Variants in CELF2 observed in about 807,000 individuals in gnomAD.
The protein encoded by CELF2 is CUGBP Elav-like family member 2.
A neutral mutation model predicts 62.6 loss-of-function variants in CELF2; 8 were observed. The ratio of observed to expected loss-of-function variants is 0.13; its 90% CI spans 0.07 to 0.23. The LOEUF (loss-of-function observed/expected upper bound fraction) is 0.23, where lower values mean the gene tolerates loss of function less well. Among genes scored for constraint, CELF2 ranks in the 10% least tolerant of loss-of-function variants. CELF2 has a pLI of 1.00. For synonymous variants in CELF2, 258 were observed against 250.0 expected, an observed-to-expected ratio of 1.03 and a Z score of -0.30; for missense variants, 333 against 671.0, an observed-to-expected ratio of 0.50 and a Z score of 5.56.
rs1358134919 is a variant in CELF2, at chr10:11,248,246, C to T, written c.355-907C>T. 3.3e-5 allele frequency among the ~76,000 whole-genome samples: 5 copies of T among 152,154 alleles called. No individual in the cohort carries two copies. The East Asian group carries it at 9.6e-4, about 29-fold the overall frequency. ...AATTGATTCTAATTGGTAATGGTGG[C>T]AGCATTGTGTGCTTGGAGCATGCTC... On this transcript the variant is annotated intron_variant, in intron 3 of 12. Coordinates refer to ENST00000633077, the MANE Select transcript of CELF2 (RefSeq NM_001326342.2).
At chr10:10,822,689 C>T (rs2057062938) in intron 1 of CELF2, among the ~76,000 whole-genome samples, 1 of 152,138 alleles carries the variant, frequency 6.6e-6, no homozygotes, top group Non-Finnish European at 1.5e-5. Context: ...TACTGAGGTT[C>T]TTTGCTTCCT....
chr10:11,128,505 A>G (rs1202295408), intron 1 of CELF2, among the ~76,000 whole-genome samples: 3 of 152,300 alleles, frequency 2.0e-5, no homozygotes, highest in East Asian at 3.9e-4. Flanking sequence ...CTTCCTATCC[A>G]TGAGCATGGA....
At chr10:11,027,047 CCAA>C (rs921640304) in intron 1 of CELF2, among the ~76,000 whole-genome samples, 8 of 152,096 alleles carry the variant, frequency 5.3e-5, no homozygotes, top group Non-Finnish European at 1.0e-4. Flanking sequence ...CAGGAGGCCT[CCAA>C]CTGCAATTAG....
the CELF2 span, among the ~76,000 whole-genome samples, chr10:10,710,838 T>C: frequency 2.0e-5 from 3 of 152,184 alleles, no homozygotes; most frequent in Non-Finnish European, 4.4e-5. Context: ...GTGAAACAAA[T>C]GGCATACAAC....
At chr10:11,070,255 G>A (rs1328547513) in intron 1 of CELF2, among the ~76,000 whole-genome samples, 1 of 152,172 alleles carries the variant, frequency 6.6e-6, no homozygotes, top group Non-Finnish European at 1.5e-5. Context: ...CAGGGTAGGA[G>A]ACAGACGGTT....
chr10:10,923,972 A>G, intron 2 of CELF2: 1 of 152,156 alleles, frequency 6.6e-6, no homozygotes, highest in Non-Finnish European at 1.5e-5. Flanking sequence ...TTTTAGGATG[A>G]AGGGTGTTGC....
At chr10:10,845,141 A>T (rs769505367) in intron 1 of CELF2, among the ~76,000 whole-genome samples, 1 of 152,154 alleles carries the variant, frequency 6.6e-6, no homozygotes, top group African/African-American at 2.4e-5. Context: ...TTTTGCCATC[A>T]TAGACGAGAA....
chr10:10,793,821 C>T (rs1265957459), upstream of CELF2, among the ~76,000 whole-genome samples: 1 of 152,080 alleles, frequency 6.6e-6, no homozygotes, highest in Non-Finnish European at 1.5e-5. Flanking sequence ...GTCAGAGGTA[C>T]CATTACCAAC....
rs1198439355 is a variant in CELF2 at position 10,943,773 on chromosome 10, T to TG, written c.89+23774_89+23775insG. The stretch of plus-strand genomic sequence containing the variant: ...ACCACTACTCCCAGCTTTTTTTTTG[T>TG]TTTGTTTTTGGAGAGATGGCGTTTT... On this transcript the variant is annotated intron_variant, in intron 2 of 13. Coordinates refer to the CELF2 transcript ENST00000636488. Among the ~76,000 whole-genome samples the TG allele has an allele frequency of 3.0e-3, 149 of 50,094 alleles. 1 individual carries two copies. The highest frequency in any genetic ancestry group is 0.028 in the Middle Eastern group (3 of 106). The allele number at this position is 50,094 out of a possible 152,430, so 32.9% of individuals were successfully genotyped here. A position where few individuals can be genotyped will look rare whatever the true frequency, so the allele number is the denominator to read the frequency against.
chr10:11,191,922 T>C lies in CELF2; in HGVS notation c.272-25503T>C, dbSNP rs538397968. Among the ~76,000 whole-genome samples, 4 of 151,974 alleles carry C rather than the reference T, an allele frequency of 2.6e-5. No homozygotes were observed. The South Asian group carries it at 8.3e-4, about 32-fold the overall frequency. On this transcript the variant is annotated intron_variant, in intron 2 of 12. Coordinates refer to ENST00000633077, the MANE Select transcript of CELF2 (RefSeq NM_001326342.2). The surrounding 1 kb of genome is among the most constrained non-coding windows in gnomAD (Gnocchi z 4.1). Reference sequence around the variant, plus strand: ...CAGAGGCCCCGCCCTGTGTCCACTCTACTTCTTAGGAACCTGGCAACCCCA... The same window carrying C: ...CAGAGGCCCCGCCCTGTGTCCACTCCACTTCTTAGGAACCTGGCAACCCCA...
chr10:10,594,765 G>T, the CELF2 span, among the ~76,000 whole-genome samples: 1 of 152,134 alleles, frequency 6.6e-6, no homozygotes, highest in Non-Finnish European at 1.5e-5. Flanking sequence ...GGACTCTGGG[G>T]TCACTAGAAG....
intron 4 of CELF2, among the ~76,000 whole-genome samples, chr10:11,249,505 T>TC (rs1423179344): frequency 6.6e-6 from 1 of 151,746 alleles, no homozygotes; most frequent in Non-Finnish European, 1.5e-5. Flanking sequence ...TCCTGTCTCC[T>TC]CCAACAAAGC....
chr10:10,510,420 G>A, the CELF2 span, among the ~76,000 whole-genome samples: 3 of 152,216 alleles, frequency 2.0e-5, no homozygotes, highest in Non-Finnish European at 4.4e-5. Context: ...AAACTGAACA[G>A]CGGGGGAATG....
At chr10:10,483,070 C>A in the CELF2 span, among the ~76,000 whole-genome samples, 1 of 152,122 alleles carries the variant, frequency 6.6e-6, no homozygotes, top group Non-Finnish European at 1.5e-5. Context: ...GTGTCCCCTT[C>A]TCTTAGAAAC....
At chr10:10,881,794 C>T (rs2061453263) in intron 1 of CELF2, among the ~76,000 whole-genome samples, 1 of 152,110 alleles carries the variant, frequency 6.6e-6, no homozygotes, top group South Asian at 2.1e-4. Flanking sequence ...TATGCATATG[C>T]CAGACAAAAC....
intron 1 of CELF2, among the ~76,000 whole-genome samples, chr10:10,817,837 C>T (rs1328971616): frequency 6.6e-6 from 1 of 152,140 alleles, no homozygotes; most frequent in Non-Finnish European, 1.5e-5. Context: ...ACTTTTGCTC[C>T]CTTACTACTA....
At chr10:11,179,936 A>G (rs886313722) in intron 2 of CELF2, among the ~76,000 whole-genome samples, 1 of 152,132 alleles carries the variant, frequency 6.6e-6, no homozygotes, top group Non-Finnish European at 1.5e-5. Context: ...AGTTCTCAAA[A>G]TAGTCCTAAA....
chr10:11,111,539 G>T (rs944660247), intron 1 of CELF2, among the ~76,000 whole-genome samples: 1 of 152,204 alleles, frequency 6.6e-6, no homozygotes, highest in Non-Finnish European at 1.5e-5. Context: ...TCACAAAGAG[G>T]ATTTATGTTT....
At chr10:10,748,680 A>C in the CELF2 span, among the ~76,000 whole-genome samples, 4 of 148,742 alleles carry the variant, frequency 2.7e-5, no homozygotes, top group African/African-American at 5.0e-5. Flanking sequence ...CCCAGAAGGC[A>C]GAACTGGCAG....
Sources: allele counts gnomAD v4.1 joint callset (sites outside exome capture counted in the v4.1 genomes callset), GRCh38; gene constraint gnomAD v4.1.1; non-coding constraint Gnocchi (gnomAD v3.1); transcripts MANE v1.5; gene names NCBI Gene and HGNC (gene_info 2026-07-23, HGNC 2026-07-21).